Variants in HPSE2 observed in about 807,000 individuals in gnomAD.
HPSE2 encodes the protein heparanase 2 (inactive).
A neutral mutation model predicts 60.5 loss-of-function variants in HPSE2; 38 were observed. That is an observed-to-expected ratio of 0.63 (90% CI 0.48 to 0.82). The LOEUF is 0.82. HPSE2 is among the 40% of genes least tolerant of loss of function. The pLI is 0.00. For missense variants in HPSE2, 713 were observed against 740.4 expected (o/e 0.96, Z 0.43); for synonymous variants, 295 against 293.2 (o/e 1.01, Z -0.06).
intron 9 of HPSE2, among the ~76,000 whole-genome samples, chr10:98,612,133 T>C (rs1047837692): frequency 4.6e-5 from 7 of 152,234 alleles, no homozygotes; most frequent in African/African-American, 1.7e-4. Context: ...CCAAAGACCA[T>C]CTTTTTCCAG....
At chr10:98,936,051 A>T (rs758356295) in intron 3 of HPSE2, among the ~76,000 whole-genome samples, 1 of 144,388 alleles carries the variant, frequency 6.9e-6, no homozygotes, top group Non-Finnish European at 1.5e-5. Flanking sequence ...ACTTTACTGC[A>T]CTGTGGAGAA....
chr10:98,753,941 A>T (rs1447373814), intron 3 of HPSE2, among the ~76,000 whole-genome samples: 1 of 152,048 alleles, frequency 6.6e-6, no homozygotes, highest in Admixed American at 6.6e-5. Context: ...CAACTCAAAA[A>T]CCCAGAGTGT....
At chr10:99,240,546 G>T (rs1418483507), upstream of HPSE2, among the ~76,000 whole-genome samples, 1 of 152,028 alleles carries the variant, frequency 6.6e-6, no homozygotes, top group Non-Finnish European at 1.5e-5. Context: ...AAGTAGCTGG[G>T]ACTACAGGCA....
chr10:98,490,325 A>C (rs1941600379), intron 9 of HPSE2, 129 bp from the exon 10 acceptor site: 1 of 1,188,200 alleles, frequency 8.4e-7, no homozygotes, highest in Non-Finnish European at 1.2e-6. Flanking sequence ...TGGAGTCATG[A>C]GTCATGACCA....
chr10:98,973,549 G>A (rs1409370208), intron 3 of HPSE2, among the ~76,000 whole-genome samples: 1 of 152,146 alleles, frequency 6.6e-6, no homozygotes, highest in East Asian at 1.9e-4. Flanking sequence ...TACTGAAGAT[G>A]CTGCCTCCAA....
At chr10:99,301,981 A>G in the HPSE2 span, among the ~76,000 whole-genome samples, 2 of 151,842 alleles carry the variant, frequency 1.3e-5, no homozygotes, top group Admixed American at 6.6e-5. Context: ...ACTCATTCCT[A>G]TGTGGAAACC....
At chr10:98,875,227 T>C (rs143631070) in intron 3 of HPSE2, among the ~76,000 whole-genome samples, 35 of 152,108 alleles carry the variant, frequency 2.3e-4, no homozygotes, top group African/African-American at 8.2e-4. Context: ...AAAAACTTAA[T>C]GAATCCTGAA....
At chr10:99,044,470 A>G (rs191164519) in intron 3 of HPSE2, among the ~76,000 whole-genome samples, 72 of 152,340 alleles carry the variant, frequency 4.7e-4, no homozygotes, top group Non-Finnish European at 8.8e-4. Context: ...ACAACCAGCT[A>G]ACGACATAAT....
intron 3 of HPSE2, among the ~76,000 whole-genome samples, chr10:99,139,340 C>G (rs1474631511): frequency 6.6e-6 from 1 of 152,080 alleles, no homozygotes; most frequent in Non-Finnish European, 1.5e-5. Context: ...AGAATGTACA[C>G]TACTCAAGTG....
chr10:98,799,623 C>A (rs912800615), intron 3 of HPSE2, among the ~76,000 whole-genome samples: 2 of 151,562 alleles, frequency 1.3e-5, no homozygotes, highest in South Asian at 4.2e-4. Context: ...AAATTAATAA[C>A]AAGAGGAATT....
rs1843357315 is a variant in HPSE2, at chr10:99,087,352, C to T, written c.610+56886G>A. Among the ~76,000 whole-genome samples the T allele has an allele frequency of 2.6e-5, 4 of 152,266 alleles. No homozygotes were observed. The South Asian group carries it at 8.3e-4, about 32-fold the overall frequency. On this transcript the variant is annotated intron_variant, in intron 3 of 11. Transcript: ENST00000370552. ...GTAAATCTGTGATACTTTCTGGCGT[C>T]CCACACAGGGAATTATTTAATTTAA...
chr10:98,488,915 C>G (rs187793884), intron 10 of HPSE2, among the ~76,000 whole-genome samples: 4 of 152,146 alleles, frequency 2.6e-5, no homozygotes, highest in Non-Finnish European at 5.9e-5. Context: ...TGGCCCCTGC[C>G]CCCCCTCTCC....
intron 9 of HPSE2, among the ~76,000 whole-genome samples, chr10:98,517,199 T>A (rs1340875868): frequency 7.0e-5 from 8 of 113,676 alleles, no homozygotes; most frequent in Admixed American, 1.8e-4. Flanking sequence ...GGGTGTGGGG[T>A]GGGGGGGGCG....
intron 3 of HPSE2, among the ~76,000 whole-genome samples, chr10:98,987,388 A>C (rs1589469652): frequency 1.3e-5 from 2 of 152,330 alleles, no homozygotes; most frequent in South Asian, 2.1e-4. Flanking sequence ...AGAACCAAAG[A>C]CAAAAACCAC....
chr10:98,819,291 C>T (rs557244483), intron 3 of HPSE2, among the ~76,000 whole-genome samples: 26 of 152,268 alleles, frequency 1.7e-4, no homozygotes, highest in Admixed American at 1.7e-3. Flanking sequence ...CTGTATTTGA[C>T]ACTCATCAGC....
intron 4 of HPSE2, among the ~76,000 whole-genome samples, chr10:98,727,083 A>G (rs115454338): frequency 0.013 from 2,050 of 152,282 alleles, 41 homozygotes; most frequent in African/African-American, 0.046. Context: ...TTAAAAAATG[A>G]TTAAGAAATA....
chr10:99,096,256 A>G (rs193062631), intron 3 of HPSE2, among the ~76,000 whole-genome samples: 1 of 152,340 alleles, frequency 6.6e-6, no homozygotes, highest in Admixed American at 6.5e-5. Context: ...ATTATACAAT[A>G]GCACATAATT....
chr10:99,091,818 T>A (rs1843524913), intron 3 of HPSE2, among the ~76,000 whole-genome samples: 1 of 152,196 alleles, frequency 6.6e-6, no homozygotes, highest in East Asian at 1.9e-4. Context: ...TTTTACCACA[T>A]TCTCTCTCAT....
At chr10:98,682,513 A>G (rs1200979124) in intron 6 of HPSE2, among the ~76,000 whole-genome samples, 1 of 152,174 alleles carries the variant, frequency 6.6e-6, no homozygotes, top group Non-Finnish European at 1.5e-5. Flanking sequence ...TCATCTGGTA[A>G]CACAATACAG....
Sources: allele counts gnomAD v4.1 joint callset (sites outside exome capture counted in the v4.1 genomes callset), GRCh38; gene constraint gnomAD v4.1.1; transcripts MANE v1.5; gene names NCBI Gene and HGNC (gene_info 2026-07-23, HGNC 2026-07-21).